CTDP1: variants seen among roughly 807,000 people sequenced by gnomAD.
The protein encoded by CTDP1 is CTD phosphatase 1, also known as RNA polymerase II subunit A C-terminal domain phosphatase.
In CTDP1, 47 loss-of-function variants were observed where a neutral mutation model predicts 91.8. That is an observed-to-expected ratio of 0.51 (90% confidence interval 0.41 to 0.65). The LOEUF (loss-of-function observed/expected upper bound fraction) is 0.65, where lower values mean the gene tolerates loss of function less well. Among genes scored for constraint, CTDP1 ranks in the 30% least tolerant of loss-of-function variants. The pLI is 0.00. For synonymous variants in CTDP1, 656 were observed against 598.5 expected, an observed-to-expected ratio of 1.10 and a Z score of -1.40; for missense variants, 1,272 against 1,373.7, an observed-to-expected ratio of 0.93 and a Z score of 1.17.
chr18:79,704,312 C>G (rs543446870), intron 4 of CTDP1, among the ~76,000 whole-genome samples: 1 of 152,262 alleles, frequency 6.6e-6, no homozygotes, highest in East Asian at 1.9e-4. Context: ...ATCCCCTGTC[C>G]CATGTGGAGG....
chr18:79,734,971 C>G (rs1667261023), intron 11 of CTDP1, among the ~76,000 whole-genome samples: 2 of 152,214 alleles, frequency 1.3e-5, no homozygotes, highest in Non-Finnish European at 2.9e-5. Context: ...TAAAATGTTT[C>G]TGCCTTTTAA....
intron 10 of CTDP1, among the ~76,000 whole-genome samples, chr18:79,718,242 A>G (rs1415850070): frequency 2.0e-5 from 3 of 152,134 alleles, no homozygotes; most frequent in East Asian, 3.9e-4. Context: ...AACCCCGACC[A>G]TCAGCTTCTC....
At chr18:79,725,740 C>A (rs933831855) in intron 10 of CTDP1, among the ~76,000 whole-genome samples, 1 of 152,018 alleles carries the variant, frequency 6.6e-6, no homozygotes, top group African/African-American at 2.4e-5. Context: ...ATCATGCTCT[C>A]GGGGCAGGCC....
intron 1 of CTDP1, among the ~76,000 whole-genome samples, chr18:79,693,016 G>A (rs2085656446): frequency 6.6e-6 from 1 of 152,224 alleles, no homozygotes; most frequent in Non-Finnish European, 1.5e-5. Flanking sequence ...CCTGTGGATG[G>A]ACGAAAACAG....
chr18:79,697,469 C>T (rs2122505406), intron 3 of CTDP1, among the ~76,000 whole-genome samples: 1 of 152,352 alleles, frequency 6.6e-6, no homozygotes, highest in Non-Finnish European at 1.5e-5. Flanking sequence ...ATTCTGAGCG[C>T]ATTGCCCTTA....
At chr18:79,700,088 A>C (rs190131053) in intron 4 of CTDP1, among the ~76,000 whole-genome samples, 2 of 152,274 alleles carry the variant, frequency 1.3e-5, no homozygotes, top group African/African-American at 4.8e-5. Flanking sequence ...TGACTGCTCC[A>C]CCAACTGGCC....
chr18:79,719,416 G>C (rs970089153), intron 10 of CTDP1, among the ~76,000 whole-genome samples: 1 of 152,098 alleles, frequency 6.6e-6, no homozygotes, highest in Non-Finnish European at 1.5e-5. Context: ...GGGGGGTTTG[G>C]GATGAATCTG....
At chr18:79,705,136 G>A (rs1317700349) in intron 5 of CTDP1, among the ~76,000 whole-genome samples, 1 of 152,158 alleles carries the variant, frequency 6.6e-6, no homozygotes, top group Non-Finnish European at 1.5e-5. Flanking sequence ...GCGGTACTGG[G>A]TGGGCCGCTT....
At chr18:79,711,495 A>G (rs964164861) in intron 6 of CTDP1, among the ~76,000 whole-genome samples, 1 of 152,146 alleles carries the variant, frequency 6.6e-6, no homozygotes, top group African/African-American at 2.4e-5. Flanking sequence ...GGCATCAGGG[A>G]GGTGGCAGTC....
intron 12 of CTDP1, among the ~76,000 whole-genome samples, chr18:79,737,341 C>T (rs1016352698): frequency 3.9e-5 from 6 of 152,208 alleles, no homozygotes; most frequent in African/African-American, 1.4e-4. Flanking sequence ...AGAATCTTAA[C>T]CCTGTGTCTT....
chr18:79,741,083 A>C (rs2086767321), intron 12 of CTDP1, among the ~76,000 whole-genome samples: 1 of 140,508 alleles, frequency 7.1e-6, no homozygotes, highest in Admixed American at 7.4e-5. Context: ...TCTGTCCCTT[A>C]GCCCATGGTT....
intron 1 of CTDP1, among the ~76,000 whole-genome samples, chr18:79,680,658 T>G (rs903250199): frequency 6.6e-6 from 1 of 152,218 alleles, no homozygotes; most frequent in African/African-American, 2.4e-5. Context: ...CTGTTGGGTG[T>G]GTGCACATCT....
In CTDP1 at chr18:79,715,438, G is replaced by A. The variant is rs918841277; in HGVS notation, c.1978G>A (p.Ala660Thr). ...AGAGAAGACGCGGGAGCATTACCACGCCACGGCGCTGGGAGCGAAGATCCT... is the reference window on the plus strand; with the variant it reads ...AGAGAAGACGCGGGAGCATTACCACACCACGGCGCTGGGAGCGAAGATCCT... ...PIEKTREHYH[A>T]TALGAKILTR... Residue 660 changes from alanine to threonine, a missense_variant, in exon 8 of 13, where the codon GCC becomes ACC. Transcript: ENST00000613122. 4 of 1,594,474 alleles carry A rather than the reference G, an allele frequency of 2.5e-6. No homozygotes were observed. Among genetic ancestry groups the A allele is most frequent in the East Asian group, 4.6e-5 (2 of 43,918 alleles).
rs1452409532 is a variant in CTDP1 at position 79,751,230 on chromosome 18, C to T, written c.2748-2422C>T. Among the ~76,000 whole-genome samples, 11 of 104,460 alleles carry T rather than the reference C, an allele frequency of 1.1e-4. No homozygotes were observed. The Admixed American group carries it at 1.2e-3, about 11-fold the overall frequency. The allele number at this position is 104,460 out of a possible 152,430, so 68.5% of individuals were successfully genotyped here. ...ACAGGCTAGGGAGGGAGGGGCTGGG[C>T]GCAGAGGACAGGCCGGGGAGGGAGG... On this transcript the variant is annotated intron_variant, in intron 12 of 12. Transcript: ENST00000613122.
At chr18:79,679,458 C>T (rs969046423), upstream of CTDP1, 2 of 456,252 alleles carry the variant, frequency 4.4e-6, no homozygotes, top group Admixed American at 4.7e-5. Context: ...TCTCGGGATG[C>T]TGGGTCTCAG....
Position 79,713,262 on chromosome 18 carries a change from A to G in CTDP1, c.1030+124A>G. On this transcript the variant is annotated intron_variant, in intron 7 of 12. Transcript: ENST00000613122. This position sits in a 1 kb window ranked among gnomAD's most constrained non-coding sequence, Gnocchi z 4.7. ...GATACACTTTTTTTATTTGTGTTTCAGTAGAGATTATTGGATTTATTTATA... is the reference window on the plus strand; with the variant it reads ...GATACACTTTTTTTATTTGTGTTTCGGTAGAGATTATTGGATTTATTTATA... The G allele has an allele frequency of 1.9e-6, 2 of 1,038,016 alleles. No individual in the cohort carries two copies. Among genetic ancestry groups the G allele is most frequent in the Non-Finnish European group, 2.9e-6 (2 of 696,188 alleles). 64.3% of individuals were successfully genotyped at this position (1,038,016 alleles called of 1,614,324 possible).
chr18:79,745,274 G>T (rs977933658), intron 12 of CTDP1, among the ~76,000 whole-genome samples: 3 of 132,906 alleles, frequency 2.3e-5, no homozygotes, highest in African/African-American at 8.6e-5. Flanking sequence ...CGTCCCTCCC[G>T]TGCGCGTTCT....
intron 10 of CTDP1, among the ~76,000 whole-genome samples, chr18:79,720,299 C>CCG (rs1568201333): frequency 7.8e-4 from 8 of 10,210 alleles, no homozygotes; most frequent in East Asian, 2.0e-3. Context: ...ATGTCACCTC[C>CCG]TATTGTGTCC....
At chr18:79,727,547 G>A (rs186289597) in intron 10 of CTDP1, among the ~76,000 whole-genome samples, 42 of 152,316 alleles carry the variant, frequency 2.8e-4, no homozygotes, top group Admixed American at 2.5e-3. Context: ...GAGGGCCGCC[G>A]TGAAGAGTGG....
Sources: gnomAD v4.1 joint callset for allele counts (sites outside exome capture counted in the v4.1 genomes callset) on GRCh38, gnomAD v4.1.1 for gene constraint, Gnocchi (gnomAD v3.1) non-coding constraint, MANE v1.5 for transcripts, NCBI Gene and HGNC (gene_info 2026-07-23, HGNC 2026-07-21) for gene names.